Variants in WNT3A observed in about 807,000 individuals in gnomAD.
The protein encoded by WNT3A is protein Wnt-3a.
Under a neutral mutation model 37.0 loss-of-function variants are expected in WNT3A, and 17 were observed. The ratio of observed to expected loss-of-function variants is 0.46; its 90% CI spans 0.31 to 0.69. WNT3A has a LOEUF of 0.69. WNT3A is among the 30% of genes least tolerant of loss of function. The probability of loss-of-function intolerance (pLI) is 0.05; values close to 1 mark genes in which losing one functional copy is unlikely to be tolerated. For synonymous variants in WNT3A, 187 were observed against 211.0 expected (o/e 0.89, Z 0.99); for missense variants, 411 against 510.2 (o/e 0.81, Z 1.87).
chr1:228,040,666 G>A (rs1050155456), intron 2 of WNT3A, among the ~76,000 whole-genome samples: 11 of 151,992 alleles, frequency 7.2e-5, no homozygotes, highest in Non-Finnish European at 1.5e-4. Context: ...GGCGGATCAC[G>A]AGGTCAGGAG....
At chr1:228,023,522 G>C (rs187322243) in intron 2 of WNT3A, among the ~76,000 whole-genome samples, 119 of 151,850 alleles carry the variant, frequency 7.8e-4, no homozygotes, top group Non-Finnish European at 1.3e-3. Flanking sequence ...GAGACATAAA[G>C]ATGCACAGAG....
intron 1 of WNT3A, among the ~76,000 whole-genome samples, chr1:228,012,278 G>A (rs972539635): frequency 5.3e-5 from 8 of 152,210 alleles, no homozygotes; most frequent in African/African-American, 9.6e-5. Flanking sequence ...CAGGGACCCC[G>A]TTGGGGCTTC....
intron 2 of WNT3A, among the ~76,000 whole-genome samples, chr1:228,026,253 A>T (rs1217798570): frequency 6.6e-6 from 1 of 151,994 alleles, no homozygotes; most frequent in Non-Finnish European, 1.5e-5. Flanking sequence ...TCATCTGTGG[A>T]TGGAAACTGC....
intron 1 of WNT3A, among the ~76,000 whole-genome samples, chr1:228,020,140 C>A (rs1339396525): frequency 6.6e-6 from 1 of 152,216 alleles, no homozygotes; most frequent in Non-Finnish European, 1.5e-5. Flanking sequence ...AGGAGAATCG[C>A]TTGAGCCAAG....
chr1:228,058,635 C>A (rs1183615482), intron 3 of WNT3A, among the ~76,000 whole-genome samples: 2 of 152,256 alleles, frequency 1.3e-5, no homozygotes, highest in East Asian at 1.9e-4. Context: ...GAACGCCTAT[C>A]CCCCTGCATC....
At chr1:228,020,216 C>T (rs1385796009) in intron 1 of WNT3A, among the ~76,000 whole-genome samples, 1 of 152,230 alleles carries the variant, frequency 6.6e-6, no homozygotes, top group African/African-American at 2.4e-5. Flanking sequence ...GAGCGAGACT[C>T]CGTCTCAAAA....
At chr1:228,020,851 G>A (rs1394924140) in intron 1 of WNT3A, among the ~76,000 whole-genome samples, 16 of 152,146 alleles carry the variant, frequency 1.1e-4, no homozygotes, top group Non-Finnish European at 2.9e-5. Context: ...GGTGACTAGG[G>A]AGAGGGAGGC....
At position 228,042,011 on chromosome 1, in the gene WNT3A, C is replaced by T. The variant is rs1049824141; in HGVS notation, c.314-8645C>T. 6.6e-6 allele frequency among the ~76,000 whole-genome samples: 1 copy of T among 152,004 alleles called. No homozygotes were observed. The highest frequency in any genetic ancestry group is 1.5e-5 in the Non-Finnish European group (1 of 67,990). ...TTTTTTTTTCTTTTGATGGAGTCTC[C>T]CTCTGTTGCCAGGCTGGAGTGCAGT... On this transcript the variant is annotated intron_variant, in intron 2 of 3. Coordinates refer to ENST00000284523, the MANE Select transcript of WNT3A (RefSeq NM_033131.4). This position sits in a 1 kb window ranked among gnomAD's most constrained non-coding sequence, Gnocchi z 5.2.
rs1335162504 is a variant in WNT3A, at chr1:228,031,788, TGGTGGCATGGAGGGA to T, written c.313+8883_313+8897del. ...GGTTCCTGGGCTGTGCTGTAGCCAG[TGGTGGCATGGAGGGA>T]GGCATGGGCAACATATACACTGCAA... On this transcript the variant is annotated intron_variant, in intron 2 of 3. Transcript: ENST00000284523. This position sits in a 1 kb window ranked among gnomAD's most constrained non-coding sequence, Gnocchi z 4.8. Among the ~76,000 whole-genome samples the T allele has an allele frequency of 6.6e-6, 1 of 152,038 alleles. No individual in the cohort carries two copies. Among genetic ancestry groups the T allele is most frequent in the African/African-American group, 2.4e-5 (1 of 41,368 alleles).
At chr1:228,027,003 C>T (rs1038760193) in intron 2 of WNT3A, among the ~76,000 whole-genome samples, 1 of 152,062 alleles carries the variant, frequency 6.6e-6, no homozygotes, top group Non-Finnish European at 1.5e-5. Context: ...CCACCAAGCC[C>T]CACTAATTTT....
At chr1:228,014,312 G>A (rs1290854006) in intron 1 of WNT3A, among the ~76,000 whole-genome samples, 2 of 152,178 alleles carry the variant, frequency 1.3e-5, no homozygotes, top group Admixed American at 6.5e-5. Flanking sequence ...ACAAACAAGC[G>A]AGTAACAGGG....
At chr1:228,024,463 C>T (rs888073112) in intron 2 of WNT3A, among the ~76,000 whole-genome samples, 2 of 152,224 alleles carry the variant, frequency 1.3e-5, no homozygotes, top group African/African-American at 4.8e-5. Flanking sequence ...ATTTGTAGAC[C>T]TTCTTTGAAA....
chr1:228,049,985 C>A (rs963861601), intron 2 of WNT3A, among the ~76,000 whole-genome samples: 1 of 151,336 alleles, frequency 6.6e-6, no homozygotes. Context: ...TGCTACATTG[C>A]CAAGGCTGGT....
In WNT3A at chr1:228,038,500, C is replaced by T. The variant is rs575395381; in HGVS notation, c.314-12156C>T. 6.6e-6 allele frequency among the ~76,000 whole-genome samples: 1 copy of T among 152,310 alleles called. No homozygotes were observed. Among genetic ancestry groups the T allele is most frequent in the East Asian group, 1.9e-4 (1 of 5,184 alleles). ...CCAGATGACATGACATTTGGGGCCA[C>T]AGTGACCTGCAGGCCCCTGGCCAGT... On this transcript the variant is annotated intron_variant, in intron 2 of 3. Coordinates refer to ENST00000284523, the MANE Select transcript of WNT3A (RefSeq NM_033131.4). This position sits in a 1 kb window ranked among gnomAD's most constrained non-coding sequence, Gnocchi z 5.7.
At chr1:228,023,436 G>C (rs546344255) in intron 2 of WNT3A, among the ~76,000 whole-genome samples, 3 of 152,046 alleles carry the variant, frequency 2.0e-5, no homozygotes, top group Admixed American at 1.3e-4. Flanking sequence ...CACACACACA[G>C]AGAGACAAAG....
In WNT3A at chr1:228,038,333, C is replaced by G. The variant is rs1172064335; in HGVS notation, c.314-12323C>G. Among the ~76,000 whole-genome samples, 1 of 152,242 alleles carries G rather than the reference C, an allele frequency of 6.6e-6. No homozygotes were observed. Among genetic ancestry groups the G allele is most frequent in the Non-Finnish European group, 1.5e-5 (1 of 68,036 alleles). ...GGGCTGAGTCCCCCTGTGTGCCCCA[C>G]AGCAAAGGGTCTTCTCCTTCCCCTG... On this transcript the variant is annotated intron_variant, in intron 2 of 3. Coordinates refer to ENST00000284523, the MANE Select transcript of WNT3A (RefSeq NM_033131.4). This position sits in a 1 kb window ranked among gnomAD's most constrained non-coding sequence, Gnocchi z 5.7.
intron 1 of WNT3A, among the ~76,000 whole-genome samples, chr1:228,014,263 G>A (rs1247488939): frequency 6.6e-6 from 1 of 152,154 alleles, no homozygotes; most frequent in Non-Finnish European, 1.5e-5. Context: ...TGACAGATGG[G>A]GAAACTGAGG....
chr1:228,025,207 T>C (rs2030823149), intron 2 of WNT3A, among the ~76,000 whole-genome samples: 1 of 152,076 alleles, frequency 6.6e-6, no homozygotes, highest in African/African-American at 2.4e-5. Context: ...CAAAAAAAAA[T>C]GCTGCTGGGA....
intron 1 of WNT3A, among the ~76,000 whole-genome samples, chr1:228,019,183 A>C (rs875980): frequency 6.6e-6 from 1 of 152,016 alleles, no homozygotes; most frequent in African/African-American, 2.4e-5. Flanking sequence ...TTGGGAGTCC[A>C]CCTCTCTGCT....
Sources: allele counts gnomAD v4.1 joint callset (sites outside exome capture counted in the v4.1 genomes callset), GRCh38; gene constraint gnomAD v4.1.1; non-coding constraint Gnocchi (gnomAD v3.1); transcripts MANE v1.5; gene names NCBI Gene and HGNC (gene_info 2026-07-23, HGNC 2026-07-21).